Variants in SPATA16 observed in about 807,000 individuals in gnomAD.
SPATA16 encodes spermatogenesis-associated protein 16.
In SPATA16, 36 loss-of-function variants were observed where a neutral mutation model predicts 63.3. The observed-to-expected ratio is 0.57, with a 90% CI of 0.44 to 0.75. SPATA16 has a LOEUF of 0.75. Ranked by LOEUF, SPATA16 falls within the 30% of genes least tolerant of loss-of-function variation. SPATA16 has a pLI of 0.00. For missense variants in SPATA16, 646 were observed against 679.3 expected (o/e 0.95, Z 0.54); for synonymous variants, 203 against 216.7 (o/e 0.94, Z 0.56).
At chr3:172,928,864 T>C (rs1356491935) in intron 6 of SPATA16, among the ~76,000 whole-genome samples, 2 of 152,212 alleles carry the variant, frequency 1.3e-5, no homozygotes, top group African/African-American at 2.4e-5. Context: ...AGTATCATTC[T>C]TTTTCCATTT....
chr3:173,100,729 A>G (rs1377331184), intron 2 of SPATA16, among the ~76,000 whole-genome samples: 2 of 151,070 alleles, frequency 1.3e-5, no homozygotes, highest in Non-Finnish European at 2.9e-5. Flanking sequence ...TTGTTTATCA[A>G]TTTTTACAAT....
At chr3:172,960,904 T>TTCTTTCTTTCTTC (rs1733741866) in intron 5 of SPATA16, among the ~76,000 whole-genome samples, 1 of 148,262 alleles carries the variant, frequency 6.7e-6, no homozygotes, top group African/African-American at 2.6e-5. Context: ...CTTCCTTCCT[T>TTCTTTCTTTCTTC]CCTCCCTCCC....
intron 2 of SPATA16, among the ~76,000 whole-genome samples, chr3:173,097,783 C>T (rs1244344837): frequency 6.6e-6 from 1 of 152,176 alleles, no homozygotes; most frequent in Non-Finnish European, 1.5e-5. Context: ...TGTTGCTCTA[C>T]TTCCAGCAGA....
intron 5 of SPATA16, among the ~76,000 whole-genome samples, chr3:172,971,823 T>G (rs554863423): frequency 1.3e-5 from 2 of 152,278 alleles, no homozygotes; most frequent in South Asian, 4.1e-4. Flanking sequence ...GCTTTGAATG[T>G]TAGAAGCAGT....
intron 1 of SPATA16, among the ~76,000 whole-genome samples, chr3:173,138,140 C>T (rs984810438): frequency 6.6e-6 from 1 of 151,904 alleles, no homozygotes; most frequent in Non-Finnish European, 1.5e-5. Context: ...GCTATAACTT[C>T]GGTGATCGTT....
rs557618948 is a variant in SPATA16, at chr3:173,096,661, G to C, written c.612+20459C>G. Among the ~76,000 whole-genome samples, 215 of 152,064 alleles carry C rather than the reference G, an allele frequency of 1.4e-3. 1 individual carries two copies. The highest frequency in any genetic ancestry group is 4.9e-3 in the African/African-American group (205 of 41,514). On this transcript the variant is annotated intron_variant, in intron 2 of 10. Transcript: ENST00000351008. ...GACCTTCTAATACACAGCTGATAGG[G>C]GTGTAATTTAGCAATATTTATTGAA...
chr3:173,068,770 A>T (rs1435208707), intron 2 of SPATA16, among the ~76,000 whole-genome samples: 4 of 151,426 alleles, frequency 2.6e-5, no homozygotes, highest in Admixed American at 2.6e-4. Flanking sequence ...CTAATGATAT[A>T]TTGTTAAATA....
At chr3:173,032,968 G>C (rs977603444) in intron 3 of SPATA16, among the ~76,000 whole-genome samples, 1 of 152,096 alleles carries the variant, frequency 6.6e-6, no homozygotes, top group South Asian at 2.1e-4. Flanking sequence ...TCATGAATGA[G>C]ATCTACATCT....
chr3:173,003,231 A>G (rs1238973606), intron 4 of SPATA16, among the ~76,000 whole-genome samples: 1 of 152,208 alleles, frequency 6.6e-6, no homozygotes, highest in Non-Finnish European at 1.5e-5. Flanking sequence ...AGCAAAAACA[A>G]AGATACAAAT....
chr3:173,079,822 G>A (rs116369940), intron 2 of SPATA16, among the ~76,000 whole-genome samples: 1,557 of 151,364 alleles, frequency 0.01, 27 homozygotes, highest in African/African-American at 0.035. Flanking sequence ...AATTTCCTGA[G>A]CAAACTTATT....
chr3:173,019,822 T>C (rs2108276688), intron 3 of SPATA16, among the ~76,000 whole-genome samples: 1 of 152,334 alleles, frequency 6.6e-6, no homozygotes, highest in East Asian at 1.9e-4. Context: ...TTTTTACAGA[T>C]ATGACAATGG....
intron 10 of SPATA16, among the ~76,000 whole-genome samples, chr3:172,901,427 T>C (rs908651765): frequency 1.3e-5 from 2 of 152,246 alleles, no homozygotes; most frequent in Non-Finnish European, 2.9e-5. Context: ...CTCAAACTCC[T>C]GGTCTCAAGT....
chr3:173,055,948 T>A (rs1443096732), intron 2 of SPATA16, among the ~76,000 whole-genome samples: 1 of 152,232 alleles, frequency 6.6e-6, no homozygotes, highest in African/African-American at 2.4e-5. Flanking sequence ...ATGTATTTAA[T>A]TTTATTCCTT....
rs1327311366 is a variant in SPATA16 at position 173,057,303 on chromosome 3, CG to C, written c.613-8210del. Reference sequence around the variant, plus strand: ...ATTTTTTTGTATTTTTTAGTAAAGACGGGGTTTCACCGTGTTAGCCAGGATG... The same window carrying C: ...ATTTTTTTGTATTTTTTAGTAAAGACGGGTTTCACCGTGTTAGCCAGGATG... On this transcript the variant is annotated intron_variant, in intron 2 of 10. Coordinates refer to ENST00000351008, the MANE Select transcript of SPATA16 (RefSeq NM_031955.6). Among the ~76,000 whole-genome samples the C allele has an allele frequency of 4.6e-5, 7 of 151,910 alleles. No homozygotes were observed. In the East Asian group the frequency reaches 1.2e-3, roughly 25 times the overall value.
intron 4 of SPATA16, among the ~76,000 whole-genome samples, chr3:173,018,366 C>T (rs1396102188): frequency 1.3e-5 from 2 of 151,648 alleles, no homozygotes; most frequent in African/African-American, 4.9e-5. Context: ...CCTCTACCTC[C>T]TGGGTTCAAG....
chr3:172,943,975 C>A (rs1179630800), intron 6 of SPATA16, among the ~76,000 whole-genome samples: 2 of 151,960 alleles, frequency 1.3e-5, no homozygotes, highest in African/African-American at 4.8e-5. Flanking sequence ...TTTAAGAATT[C>A]TTCTATTTAT....
chr3:173,066,654 C>A (rs1458012166), intron 2 of SPATA16, among the ~76,000 whole-genome samples: 1 of 152,292 alleles, frequency 6.6e-6, no homozygotes, highest in African/African-American at 2.4e-5. Context: ...GGTCACAATG[C>A]TTAATCCCTT....
chr3:173,129,916 C>T (rs1334852649), intron 1 of SPATA16, among the ~76,000 whole-genome samples: 1 of 152,118 alleles, frequency 6.6e-6, no homozygotes, highest in Non-Finnish European at 1.5e-5. Context: ...TAGTATTTTC[C>T]ATTACCTCAC....
At chr3:172,983,401 T>A (rs1293872310) in intron 4 of SPATA16, among the ~76,000 whole-genome samples, 1 of 152,090 alleles carries the variant, frequency 6.6e-6, no homozygotes, top group Non-Finnish European at 1.5e-5. Context: ...TTTTCTTCCT[T>A]CTACAATTGG....
Sources: allele counts gnomAD v4.1 joint callset (sites outside exome capture counted in the v4.1 genomes callset), GRCh38; gene constraint gnomAD v4.1.1; transcripts MANE v1.5; gene names NCBI Gene and HGNC (gene_info 2026-07-23, HGNC 2026-07-21).